The following AR variants were observed in gnomAD, a reference collection of about 807,000 sequenced individuals.
AR encodes the protein dihydrotestosterone receptor.
AR carries 8 observed loss-of-function variants against 53.9 expected under a neutral mutation model. The ratio of observed to expected loss-of-function variants is 0.15; its 90% CI spans 0.09 to 0.27. The LOEUF (loss-of-function observed/expected upper bound fraction) is 0.27, where lower values mean the gene tolerates loss of function less well. AR is among the 10% of genes least tolerant of loss of function. The pLI is 1.00. For synonymous variants in AR, 359 were observed against 316.4 expected (o/e 1.13, Z -1.43); for missense variants, 639 against 742.5 (o/e 0.86, Z 1.62).
intron 3 of AR, among the ~76,000 whole-genome samples, chrX:67,693,202 A>G (rs2076003934): frequency 8.9e-6 from 1 of 112,421 alleles, no homozygotes; most frequent in Non-Finnish European, 1.9e-5. Context: ...TTTATACTTA[A>G]ATCCTTGAGT....
chrX:67,621,892 A>G (rs982959889), intron 1 of AR, among the ~76,000 whole-genome samples: 4 of 111,930 alleles, frequency 3.6e-5, no homozygotes, highest in Non-Finnish European at 5.6e-5. Context: ...ACAAGAGACA[A>G]TGCTATAGAG....
At chrX:67,653,499 A>G (rs1230330390) in intron 2 of AR, among the ~76,000 whole-genome samples, 3 of 111,470 alleles carry the variant, frequency 2.7e-5, no homozygotes, top group Non-Finnish European at 5.6e-5. Context: ...AAAAGGTAGG[A>G]AGAGAACTTC....
intron 2 of AR, among the ~76,000 whole-genome samples, chrX:67,671,605 A>G (rs968821130): frequency 8.9e-6 from 1 of 111,755 alleles, no homozygotes; most frequent in East Asian, 2.8e-4. Context: ...TAGTTTAATT[A>G]GATCCCATTT....
chrX:67,601,882 GC>G (rs775544885), intron 1 of AR, among the ~76,000 whole-genome samples: 1 of 111,624 alleles, frequency 9.0e-6, no homozygotes, highest in East Asian at 2.8e-4. Flanking sequence ...TGAAATTGAA[GC>G]CCCCACCAAA....
intron 2 of AR, among the ~76,000 whole-genome samples, chrX:67,655,360 T>C (rs1053518203): frequency 3.6e-5 from 4 of 111,568 alleles, no homozygotes; most frequent in East Asian, 2.8e-4. Context: ...TAGCTTCTTC[T>C]GCCATCCCAC....
At chrX:67,579,245 G>T (rs888112291) in intron 1 of AR, among the ~76,000 whole-genome samples, 2 of 111,414 alleles carry the variant, frequency 1.8e-5, no homozygotes, top group African/African-American at 3.3e-5. Context: ...ACTTGCCTTT[G>T]GTGTTAGTGT....
rs756968689 is a variant in AR, at chrX:67,654,278, C to T, written c.1768+10871C>T. Reference sequence around the variant, plus strand: ...AGTCTTGGTCATAGGCATGCGTATACTTGCAGCGTCCCTGGGTAGGCCGAA... The same window carrying T: ...AGTCTTGGTCATAGGCATGCGTATATTTGCAGCGTCCCTGGGTAGGCCGAA... On this transcript the variant is annotated intron_variant, in intron 2 of 7. Transcript: ENST00000374690. 1.4e-3 allele frequency among the ~76,000 whole-genome samples: 155 copies of T among 111,462 alleles called. 1 individual carries two copies. Among genetic ancestry groups the T allele is most frequent in the African/African-American group, 4.9e-3 (151 of 30,665 alleles).
rs1416399633 is a variant in AR at position 67,725,246 on chromosome X, G to A, written c.*1405G>A. ...AGGCCAACAGCTCTGACATCTATCT[G>A]TAGATGCCAGTAGTCACAAAGATTT... On this transcript the variant is annotated 3_prime_UTR_variant, in exon 8 of 8. Coordinates refer to ENST00000374690, the MANE Select transcript of AR (RefSeq NM_000044.6). The A allele has an allele frequency of 5.8e-6, 1 of 172,851 alleles. No homozygotes were observed. Among genetic ancestry groups the A allele is most frequent in the African/African-American group, 3.0e-5 (1 of 33,568 alleles). The allele number at this position is 172,851 out of a possible 1,213,427, so 14.2% of individuals were successfully genotyped here.
intron 4 of AR, among the ~76,000 whole-genome samples, chrX:67,714,389 A>G (rs2076104815): frequency 8.9e-6 from 1 of 112,023 alleles, no homozygotes; most frequent in Non-Finnish European, 1.9e-5. Flanking sequence ...TGAGACTTGA[A>G]TGCTAAGCCA....
At chrX:67,710,944 C>T (rs759583706) in intron 3 of AR, among the ~76,000 whole-genome samples, 6 of 112,402 alleles carry the variant, frequency 5.3e-5, no homozygotes, top group African/African-American at 1.6e-4. Context: ...TCCAGTCCAA[C>T]GTTTTCTAGA....
intron 1 of AR, among the ~76,000 whole-genome samples, chrX:67,595,065 C>T (rs1223086619): frequency 4.5e-5 from 5 of 111,378 alleles, no homozygotes; most frequent in African/African-American, 9.8e-5. Flanking sequence ...CATTTCAGAT[C>T]GGCAGAAGTT....
intron 3 of AR, among the ~76,000 whole-genome samples, chrX:67,705,240 A>G (rs2147517574): frequency 9.0e-6 from 1 of 111,314 alleles, no homozygotes; most frequent in East Asian, 2.8e-4. Flanking sequence ...CTTGGGCAGT[A>G]TGGCCATTTT....
intron 3 of AR, among the ~76,000 whole-genome samples, chrX:67,707,904 C>T (rs2076075877): frequency 9.0e-6 from 1 of 111,626 alleles, no homozygotes; most frequent in Non-Finnish European, 1.9e-5. Context: ...ACTTATGAAG[C>T]TTAGTTTGGC....
At chrX:67,699,608 C>A (rs1490849808) in intron 3 of AR, among the ~76,000 whole-genome samples, 1 of 110,836 alleles carries the variant, frequency 9.0e-6, no homozygotes, top group East Asian at 2.8e-4. Context: ...ATCTACCTAG[C>A]CTTTTTACAA....
intron 3 of AR, among the ~76,000 whole-genome samples, chrX:67,693,799 C>T (rs2076006822): frequency 8.9e-6 from 1 of 112,111 alleles, no homozygotes; most frequent in South Asian, 3.7e-4. Context: ...CTTCTCAGTC[C>T]AGTTCAACCT....
At chrX:67,703,317 T>A (rs2076050655) in intron 3 of AR, among the ~76,000 whole-genome samples, 1 of 112,335 alleles carries the variant, frequency 8.9e-6, no homozygotes. Flanking sequence ...TTTTCAATTA[T>A]TTATATTTCT....
At chrX:67,655,078 T>G (rs1404114732) in intron 2 of AR, among the ~76,000 whole-genome samples, 1 of 108,166 alleles carries the variant, frequency 9.2e-6, no homozygotes. Context: ...CACCCACTCT[T>G]CAGTTCTGAT....
chrX:67,643,440 C>G (rs751021102), intron 2 of AR, 33 bp downstream of exon 2: 30 of 1,186,245 alleles, frequency 2.5e-5, no homozygotes, highest in Admixed American at 1.4e-4. Context: ...TTCTCTTTCC[C>G]TTTCTCCTTT....
intron 1 of AR, among the ~76,000 whole-genome samples, chrX:67,555,223 C>T (rs1448114048): frequency 9.0e-6 from 1 of 111,582 alleles, no homozygotes; most frequent in Admixed American, 9.5e-5. Context: ...TCAATAGAGG[C>T]TGAAGTGGTC....
Sources: gnomAD v4.1 joint callset for allele counts (sites outside exome capture counted in the v4.1 genomes callset) on GRCh38, gnomAD v4.1.1 for gene constraint, MANE v1.5 for transcripts, NCBI Gene and HGNC (gene_info 2026-07-23, HGNC 2026-07-21) for gene names.